The following ARID5B variants were observed in gnomAD, a reference collection of about 807,000 sequenced individuals.
ARID5B encodes AT-rich interaction domain 5B, also known as AT-rich interactive domain-containing protein 5B.
In ARID5B, 13 loss-of-function variants were observed where a neutral mutation model predicts 97.2. The observed-to-expected ratio is 0.13, with a 90% CI of 0.09 to 0.21. The LOEUF is 0.21. Ranked by LOEUF, ARID5B falls within the 10% of genes least tolerant of loss-of-function variation. The probability of loss-of-function intolerance (pLI) is 1.00; values close to 1 mark genes in which losing one functional copy is unlikely to be tolerated. For missense variants in ARID5B, 1,210 were observed against 1,465.3 expected (o/e 0.83, Z 2.84); for synonymous variants, 556 against 570.3 (o/e 0.97, Z 0.36).
At chr10:62,057,723 A>ATCCCTTTTC (rs1260969275) in intron 6 of ARID5B, among the ~76,000 whole-genome samples, 1 of 152,230 alleles carries the variant, frequency 6.6e-6, no homozygotes, top group Non-Finnish European at 1.5e-5. Context: ...GGACAAAACA[A>ATCCCTTTTC]CCACAAAGGG....
At chr10:62,087,194 G>T (rs1327226362) in intron 9 of ARID5B, among the ~76,000 whole-genome samples, 2 of 148,682 alleles carry the variant, frequency 1.3e-5, no homozygotes, top group African/African-American at 4.9e-5. Flanking sequence ...AGCTACTCAG[G>T]AGGCTGAGGC....
chr10:61,982,836 C>T (rs1838795258), intron 3 of ARID5B, among the ~76,000 whole-genome samples: 1 of 152,166 alleles, frequency 6.6e-6, no homozygotes, highest in Non-Finnish European at 1.5e-5. Context: ...ATTTTATTTC[C>T]AGATTTCAAA....
intron 4 of ARID5B, among the ~76,000 whole-genome samples, chr10:62,030,456 C>T (rs1350143728): frequency 1.3e-5 from 2 of 152,050 alleles, no homozygotes; most frequent in Non-Finnish European, 2.9e-5. Context: ...AGTAAGGAAC[C>T]GCACAACAGG....
intron 4 of ARID5B, among the ~76,000 whole-genome samples, chr10:62,020,156 A>G (rs1374866803): frequency 6.6e-6 from 1 of 152,224 alleles, no homozygotes; most frequent in Non-Finnish European, 1.5e-5. Flanking sequence ...CAAACTTTGA[A>G]TTAATATGTC....
Position 62,000,062 on chromosome 10 carries a change from G to A in ARID5B, c.503-29G>A. On this transcript the variant is annotated intron_variant, in intron 3 of 9. Coordinates refer to ENST00000279873, the MANE Select transcript of ARID5B (RefSeq NM_032199.3). This position sits in a 1 kb window ranked among gnomAD's most constrained non-coding sequence, Gnocchi z 4.4. Reference sequence around the variant, plus strand: ...AAAGTTCTTTGTCAGAGGGAAGAGGGTAATGGAAGTGTTTTCTCGTTTGTC... The same window carrying A: ...AAAGTTCTTTGTCAGAGGGAAGAGGATAATGGAAGTGTTTTCTCGTTTGTC... 7 of 1,599,186 alleles carry A rather than the reference G, an allele frequency of 4.4e-6. No homozygotes were observed. The highest frequency in any genetic ancestry group is 6.0e-6 in the Non-Finnish European group (7 of 1,166,746).
chr10:61,960,972 A>C (rs961006843), intron 3 of ARID5B, among the ~76,000 whole-genome samples: 1 of 152,258 alleles, frequency 6.6e-6, no homozygotes, highest in Non-Finnish European at 1.5e-5. Flanking sequence ...AATCTATCTG[A>C]TAGGGATACT....
chr10:61,980,405 T>C (rs1454064464), intron 3 of ARID5B, among the ~76,000 whole-genome samples: 2 of 152,236 alleles, frequency 1.3e-5, no homozygotes, highest in African/African-American at 4.8e-5. Flanking sequence ...CGCCTTGATT[T>C]CTTCTTAAAA....
intron 3 of ARID5B, among the ~76,000 whole-genome samples, chr10:61,977,544 G>C (rs1011436337): frequency 6.6e-6 from 1 of 152,134 alleles, no homozygotes; most frequent in African/African-American, 2.4e-5. Flanking sequence ...TTTAATGATT[G>C]CCATTCTAAC....
intron 4 of ARID5B, among the ~76,000 whole-genome samples, chr10:62,021,824 G>A (rs1416407237): frequency 6.6e-6 from 1 of 152,228 alleles, no homozygotes; most frequent in Non-Finnish European, 1.5e-5. Flanking sequence ...TGGTTCAACA[G>A]TTAGTCCATA....
Position 62,092,158 on chromosome 10 carries a change from G to A in ARID5B, c.2695G>A (p.Ala899Thr), listed in dbSNP as rs751722643. Residue 899 changes from alanine (A) to threonine (T), a missense_variant, in exon 10 of 10, where the codon GCC becomes ACC. Coordinates refer to ENST00000279873, the MANE Select transcript of ARID5B (RefSeq NM_032199.3). Reference protein sequence around the residue: ...LQDKKSAAAEAPTDDQPTDLS... With the variant: ...LQDKKSAAAETPTDDQPTDLS... ...AGACAAAAAGTCGGCGGCAGCAGAA[G>A]CCCCTACGGATGATCAGCCTACAGA... 1 of 1,608,576 alleles carries A rather than the reference G, an allele frequency of 6.2e-7. No individual in the cohort carries two copies. The highest frequency in any genetic ancestry group is 8.5e-7 in the Non-Finnish European group (1 of 1,177,840).
chr10:62,095,047 A>T lies in ARID5B; in HGVS notation c.*2017A>T. ...AAGGTGGAAACAAAAGAATGTAGAG[A>T]TCCAGTGTTAAGAGTTCCATTTGCT... On this transcript the variant is annotated 3_prime_UTR_variant, in exon 10 of 10. Transcript: ENST00000279873. The T allele has an allele frequency of 4.3e-6, 1 of 230,210 alleles. No homozygotes were observed. The highest frequency in any genetic ancestry group is 8.6e-6 in the Non-Finnish European group (1 of 115,914). The allele number at this position is 230,210 out of a possible 1,614,324, so 14.3% of individuals were successfully genotyped here.
rs566993364 is a variant in ARID5B at position 61,992,024 on chromosome 10, C to T, written c.503-8067C>T. On this transcript the variant is annotated intron_variant, in intron 3 of 9. Coordinates refer to ENST00000279873, the MANE Select transcript of ARID5B (RefSeq NM_032199.3). Reference sequence around the variant, plus strand: ...TCCAGCCTGGGCAACAATAGCGAAACTCTGTCTCAAAAAAAAAAAAAGTGA... The same window carrying T: ...TCCAGCCTGGGCAACAATAGCGAAATTCTGTCTCAAAAAAAAAAAAAGTGA... Among the ~76,000 whole-genome samples, 9 of 151,184 alleles carry T rather than the reference C, an allele frequency of 6.0e-5. 1 individual carries two copies. The East Asian group carries it at 1.7e-3, about 29-fold the overall frequency.
intron 4 of ARID5B, among the ~76,000 whole-genome samples, chr10:62,047,265 G>T (rs761359732): frequency 1.3e-5 from 2 of 152,144 alleles, no homozygotes; most frequent in African/African-American, 2.4e-5. Flanking sequence ...AGAGTGACTT[G>T]TACAGAGAAA....
At chr10:61,966,917 C>A (rs1838553195) in intron 3 of ARID5B, among the ~76,000 whole-genome samples, 1 of 152,036 alleles carries the variant, frequency 6.6e-6, no homozygotes, top group Non-Finnish European at 1.5e-5. Flanking sequence ...CATTTTTTAT[C>A]CTGGACCTAT....
chr10:61,912,325 G>A lies in ARID5B; in HGVS notation c.276+9912G>A, dbSNP rs114356666. Among the ~76,000 whole-genome samples, 851 of 152,184 alleles carry A rather than the reference G, an allele frequency of 5.6e-3. 7 individuals carry two copies. The highest frequency in any genetic ancestry group is 0.019 in the African/African-American group (807 of 41,524). On this transcript the variant is annotated intron_variant, in intron 2 of 9. Coordinates refer to ENST00000279873, the MANE Select transcript of ARID5B (RefSeq NM_032199.3). Reference sequence around the variant, plus strand: ...TATAAGATATTCATCATATATATGTGTTCATCTTCTATCTGGAGATCTAAT... The same window carrying A: ...TATAAGATATTCATCATATATATGTATTCATCTTCTATCTGGAGATCTAAT...
At chr10:62,064,268 G>T (rs1042072614) in intron 7 of ARID5B, among the ~76,000 whole-genome samples, 79 of 152,188 alleles carry the variant, frequency 5.2e-4, no homozygotes, top group Non-Finnish European at 2.2e-4. Flanking sequence ...ATGTCATGTA[G>T]TTTTGAAAGG....
At chr10:61,931,684 C>T (rs1461777112) in intron 2 of ARID5B, among the ~76,000 whole-genome samples, 1 of 152,192 alleles carries the variant, frequency 6.6e-6, no homozygotes, top group East Asian at 1.9e-4. Context: ...CTTAAACACA[C>T]ATTTCACCAA....
chr10:62,085,951 G>A (rs763706360), intron 9 of ARID5B, 51 bp downstream of exon 9: 28 of 1,565,822 alleles, frequency 1.8e-5, no homozygotes, highest in East Asian at 2.2e-5. Context: ...GTGCTGCCTC[G>A]AGGTCCTTCT....
intron 2 of ARID5B, among the ~76,000 whole-genome samples, chr10:61,907,263 G>A (rs1843723267): frequency 6.6e-6 from 1 of 152,144 alleles, no homozygotes; most frequent in African/African-American, 2.4e-5. Flanking sequence ...GCCTGATTTG[G>A]TCATATCTGG....
Sources: gnomAD v4.1 joint callset for allele counts (sites outside exome capture counted in the v4.1 genomes callset) on GRCh38, gnomAD v4.1.1 for gene constraint, Gnocchi (gnomAD v3.1) non-coding constraint, MANE v1.5 for transcripts, NCBI Gene and HGNC (gene_info 2026-07-23, HGNC 2026-07-21) for gene names.